Variants in SRRM3 observed in about 807,000 individuals in gnomAD.
The protein encoded by SRRM3 is serine/arginine repetitive matrix protein 3.
A neutral mutation model predicts 66.2 loss-of-function variants in SRRM3; 27 were observed. That is an observed-to-expected ratio of 0.41 (90% CI 0.30 to 0.56). The LOEUF (loss-of-function observed/expected upper bound fraction) is 0.56. Ranked by LOEUF, SRRM3 falls within the 20% of genes least tolerant of loss-of-function variation. The probability of loss-of-function intolerance (pLI) is 0.32; values close to 1 mark genes in which losing one functional copy is unlikely to be tolerated. For missense variants in SRRM3, 918 were observed against 991.9 expected, an observed-to-expected ratio of 0.93 and a Z score of 1.00; for synonymous variants, 391 against 414.9, an observed-to-expected ratio of 0.94 and a Z score of 0.70.
intron 3 of SRRM3, among the ~76,000 whole-genome samples, chr7:76,257,538 C>G (rs1801743871): frequency 6.6e-6 from 1 of 151,042 alleles, no homozygotes; most frequent in African/African-American, 2.4e-5. Flanking sequence ...ATTTCTTGAG[C>G]AATCCTCCTG....
Position 76,256,989 on chromosome 7 carries a change from C to T in SRRM3, c.336-2917C>T, listed in dbSNP as rs182623155. Among the ~76,000 whole-genome samples the T allele has an allele frequency of 8.2e-4, 125 of 152,268 alleles. 3 individuals are homozygous for T. In the East Asian group the frequency reaches 0.021, roughly 25 times the overall value. ...CCTCCCAAAGTGCTGGGATTACAGG[C>T]GTGAGCCACCCGCCAGGCCCTTGGC... On this transcript the variant is annotated intron_variant, in intron 3 of 14. Coordinates refer to ENST00000611745, the MANE Select transcript of SRRM3 (RefSeq NM_001110199.3).
At chr7:76,213,345 A>T (rs534663193) in intron 1 of SRRM3, among the ~76,000 whole-genome samples, 56 of 152,040 alleles carry the variant, frequency 3.7e-4, no homozygotes, top group African/African-American at 1.2e-3. Context: ...TTACCTTTCC[A>T]ACTCATTTGG....
chr7:76,203,678 C>T (rs1399868966), intron 1 of SRRM3, among the ~76,000 whole-genome samples: 1 of 152,066 alleles, frequency 6.6e-6, no homozygotes, highest in African/African-American at 2.4e-5. Flanking sequence ...CTAATCCTCA[C>T]AGAAGCTTCA....
rs1373023736 is a variant in SRRM3 at position 76,281,552 on chromosome 7, G to C, written c.1120G>C (p.Gly374Arg). The change falls in exon 12 of 15, where the codon GGT (glycine) becomes CGT (arginine). Residue 374 changes from glycine to arginine, a missense_variant. Gly to Arg is a moderately radical substitution (Grantham distance 125, BLOSUM62 -2). Coordinates refer to ENST00000611745, the MANE Select transcript of SRRM3 (RefSeq NM_001110199.3). Reference protein sequence around the residue: ...PSPRSAPSSQGRGGRAAGGAG... With the variant: ...PSPRSAPSSQRRGGRAAGGAG... The stretch of plus-strand genomic sequence containing the variant: ...CCCGCGCTCGGCGCCGTCGTCCCAA[G>C]GTCGCGGAGGCCGCGCGGCGGGCGG... 3 of 1,096,190 alleles carry C rather than the reference G, an allele frequency of 2.7e-6. No individual in the cohort carries two copies. In the African/African-American group the frequency reaches 5.0e-5, roughly 18 times the overall value. 67.9% of individuals were successfully genotyped at this position (1,096,190 alleles called of 1,614,324 possible).
intron 8 of SRRM3, among the ~76,000 whole-genome samples, 162 bp downstream of exon 8, chr7:76,261,743 G>A (rs1207905859): frequency 6.6e-6 from 1 of 151,978 alleles, no homozygotes; most frequent in African/African-American, 2.4e-5. Context: ...AGTGGAGAAG[G>A]AGCATGAAAA....
rs1014477289 is a variant in SRRM3 at position 76,283,225 on chromosome 7, G to C, written c.1733+124G>C. The C allele has an allele frequency of 4.1e-5, 48 of 1,156,746 alleles. No homozygotes were observed. In the East Asian group the frequency reaches 8.1e-4, roughly 19 times the overall value. 71.7% of individuals were successfully genotyped at this position (1,156,746 alleles called of 1,614,324 possible). A position where few individuals can be genotyped will look rare whatever the true frequency, so the allele number is the denominator to read the frequency against. ...CTGAACCTGGCACGGGGATGGGGGG[G>C]GGTGCTAAGGGACAATGAGTGGGTT... is the stretch of plus-strand genomic sequence containing the variant. On this transcript the variant is annotated intron_variant, in intron 14 of 14. Transcript: ENST00000611745.
At chr7:76,214,963 G>T (rs1800522718) in intron 1 of SRRM3, among the ~76,000 whole-genome samples, 1 of 145,838 alleles carries the variant, frequency 6.9e-6, no homozygotes, top group Non-Finnish European at 1.5e-5. Flanking sequence ...GAGGGAGAGA[G>T]ATCTTAAAAT....
At chr7:76,241,000 G>A (rs570184654) in intron 2 of SRRM3, among the ~76,000 whole-genome samples, 11 of 152,168 alleles carry the variant, frequency 7.2e-5, no homozygotes, top group Admixed American at 4.6e-4. Context: ...AGGTTCAAGC[G>A]ATTCGTCCTG....
rs57681676 is a variant in SRRM3 at position 76,212,162 on chromosome 7, CT to C, written c.-40+10113del. On this transcript the variant is annotated intron_variant, in intron 1 of 14. Coordinates refer to ENST00000611745, the MANE Select transcript of SRRM3 (RefSeq NM_001110199.3). ...AGCCACTGCACCCAGCTGAGGTCTG[CT>C]TTTTTTTTTTTTTTTTTGACAGGGT... 4.1e-3 allele frequency among the ~76,000 whole-genome samples: 414 copies of C among 100,978 alleles called. 1 individual carries two copies. The highest frequency in any genetic ancestry group is 0.014 in the African/African-American group (329 of 24,254). 66.2% of individuals were successfully genotyped at this position (100,978 alleles called of 152,430 possible).
intron 11 of SRRM3, among the ~76,000 whole-genome samples, chr7:76,277,716 C>CAAAAAAAAAAAAAAAA (rs386353056): frequency 4.9e-5 from 5 of 102,782 alleles, no homozygotes; most frequent in Non-Finnish European, 5.5e-5. Flanking sequence ...TAAACAACAA[C>CAAAAAAAAAAAAAAAA]AAAAAAAAAA....
At chr7:76,247,915 G>A (rs1583905744) in intron 2 of SRRM3, among the ~76,000 whole-genome samples, 2 of 152,094 alleles carry the variant, frequency 1.3e-5, no homozygotes, top group Non-Finnish European at 2.9e-5. Context: ...GGCTGGTTTC[G>A]CACTCCTGAG....
chr7:76,276,571 G>A (rs1802353356), intron 11 of SRRM3, among the ~76,000 whole-genome samples: 1 of 152,146 alleles, frequency 6.6e-6, no homozygotes, highest in Non-Finnish European at 1.5e-5. Flanking sequence ...TGGGAGGTGG[G>A]GAGAGGGGAT....
intron 1 of SRRM3, among the ~76,000 whole-genome samples, chr7:76,206,715 A>G (rs1275691149): frequency 1.3e-5 from 2 of 152,190 alleles, no homozygotes; most frequent in East Asian, 3.9e-4. Flanking sequence ...CATTGGCTCC[A>G]GAGCAGTCCT....
rs1194765140 is a variant in SRRM3 at position 76,208,514 on chromosome 7, AAAG to A, written c.-40+6462_-40+6464del. 1.1e-4 allele frequency among the ~76,000 whole-genome samples: 16 copies of A among 151,522 alleles called. 1 individual carries two copies. Among genetic ancestry groups the A allele is most frequent in the Admixed American group, 2.0e-4 (3 of 15,186 alleles). ...TAAGACCCTATCTCTACAAAAAAAA[AAAG>A]AAGAAGAAGAAGAAAGAAAGAAAAA... is the stretch of plus-strand genomic sequence containing the variant. On this transcript the variant is annotated intron_variant, in intron 1 of 14. Transcript: ENST00000611745.
chr7:76,285,989 G>C lies in SRRM3; in HGVS notation c.*146G>C, dbSNP rs563914659. Reference sequence around the variant, plus strand: ...GCCAGTGCACGGGCAGATGGGACCGGGGAAGACTTTGAGGGTGGGCATCCA... The same window carrying C: ...GCCAGTGCACGGGCAGATGGGACCGCGGAAGACTTTGAGGGTGGGCATCCA... On this transcript the variant is annotated 3_prime_UTR_variant, in exon 15 of 15. Coordinates refer to ENST00000611745, the MANE Select transcript of SRRM3 (RefSeq NM_001110199.3). This position sits in a 1 kb window ranked among gnomAD's most constrained non-coding sequence, Gnocchi z 4.1. 3 of 901,972 alleles carry C rather than the reference G, an allele frequency of 3.3e-6. No homozygotes were observed. The highest frequency in any genetic ancestry group is 5.0e-6 in the Non-Finnish European group (3 of 598,202). The allele number at this position is 901,972 out of a possible 1,614,324, so 55.9% of individuals were successfully genotyped here.
intron 1 of SRRM3, among the ~76,000 whole-genome samples, chr7:76,220,905 G>A (rs919803361): frequency 3.9e-5 from 6 of 152,116 alleles, no homozygotes; most frequent in Non-Finnish European, 7.3e-5. Flanking sequence ...CCCCCACCGC[G>A]TCTTCTGGAG....
intron 1 of SRRM3, among the ~76,000 whole-genome samples, chr7:76,221,418 A>C (rs528844004): frequency 1.5e-5 from 2 of 136,118 alleles, no homozygotes; most frequent in Non-Finnish European, 3.0e-5. Flanking sequence ...GCTGGAGTGC[A>C]GTGGCATGAT....
chr7:76,252,610 G>A (rs782424545), intron 3 of SRRM3, among the ~76,000 whole-genome samples: 4 of 151,594 alleles, frequency 2.6e-5, no homozygotes, highest in Non-Finnish European at 5.9e-5. Flanking sequence ...TGAGCCACCG[G>A]GCCTGGCCTC....
At chr7:76,275,817 G>A (rs1477348535) in intron 11 of SRRM3, among the ~76,000 whole-genome samples, 1 of 152,158 alleles carries the variant, frequency 6.6e-6, no homozygotes, top group Non-Finnish European at 1.5e-5. Context: ...GCTCATGCCT[G>A]TAATCCCAAT....
Sources: gnomAD v4.1 joint callset for allele counts (sites outside exome capture counted in the v4.1 genomes callset) on GRCh38, gnomAD v4.1.1 for gene constraint, Gnocchi (gnomAD v3.1) non-coding constraint, MANE v1.5 for transcripts, NCBI Gene and HGNC (gene_info 2026-07-23, HGNC 2026-07-21) for gene names.